FAM98A: variants seen among roughly 807,000 people sequenced by gnomAD.
FAM98A encodes tRNA splicing ligase complex subunit 3A, also known as protein FAM98A.
Under a neutral mutation model 62.9 loss-of-function variants are expected in FAM98A, and 25 were observed. That is an observed-to-expected ratio of 0.40 (90% CI 0.29 to 0.56). The LOEUF is 0.56. Ranked by LOEUF, FAM98A falls within the 20% of genes least tolerant of loss-of-function variation. The pLI is 0.51. For missense variants in FAM98A, 653 were observed against 640.7 expected (o/e 1.02, Z -0.21); for synonymous variants, 252 against 228.6 (o/e 1.10, Z -0.92).
intron 1 of FAM98A, among the ~76,000 whole-genome samples, chr2:33,598,559 G>A (rs1677870663): frequency 6.6e-6 from 1 of 152,214 alleles, no homozygotes; most frequent in South Asian, 2.1e-4. Context: ...GGCTCAACGA[G>A]GCAGAGTATC....
In FAM98A at chr2:33,587,251, G is replaced by A. The variant is rs147447197; in HGVS notation, c.592C>T (p.Pro198Ser). Residue 198 changes from proline to serine, a missense_variant, in exon 5 of 8, where the codon CCA (proline) becomes TCA (serine). Physicochemically the swap from Pro to Ser is moderately conservative, Grantham distance 74. Transcript: ENST00000238823. ...TGATTACTACTCACCCAGTGGGCTG[G>A]TCCCATTGGCTTCTTCAGTAAAGGC... Reference protein sequence around the residue: ...GKPLLKKPMGPAHWEKIEAIN... With the variant: ...GKPLLKKPMGSAHWEKIEAIN... 525 of 1,605,194 alleles carry A rather than the reference G, an allele frequency of 3.3e-4. 2 individuals carry two copies. In the African/African-American group the frequency reaches 6.4e-3, roughly 19 times the overall value.
chr2:33,592,286 T>C lies in FAM98A; in HGVS notation c.203-72A>G, dbSNP rs1677688901. 4 of 1,213,124 alleles carry C rather than the reference T, an allele frequency of 3.3e-6. No individual in the cohort carries two copies. In the South Asian group the frequency reaches 4.7e-5, roughly 14 times the overall value. The allele number at this position is 1,213,124 out of a possible 1,614,324, so 75.1% of individuals were successfully genotyped here. A position where few individuals can be genotyped will look rare whatever the true frequency, so the allele number is the denominator to read the frequency against. ...CCATTAGCATAACAATTATTATATATAATTGAAATTGTTAATAGGATTTTC... is the reference window on the plus strand; with the variant it reads ...CCATTAGCATAACAATTATTATATACAATTGAAATTGTTAATAGGATTTTC... On this transcript the variant is annotated intron_variant, in intron 2 of 7. Transcript: ENST00000238823.
chr2:33,592,516 C>A (rs1353593694), intron 2 of FAM98A, among the ~76,000 whole-genome samples: 1 of 152,112 alleles, frequency 6.6e-6, no homozygotes, highest in African/African-American at 2.4e-5. Flanking sequence ...CAGGTGTATG[C>A]TACCATGCCT....
At position 33,594,155 on chromosome 2, in the gene FAM98A, A is replaced by G. The variant is rs545335858; in HGVS notation, c.202+1334T>C. On this transcript the variant is annotated intron_variant, in intron 2 of 7. Transcript: ENST00000238823. ...AGGTTTAATGAGTTAACACATATAA[A>G]GTGTTTAGAACATAGTGAGTACACA... Among the ~76,000 whole-genome samples the G allele has an allele frequency of 3.9e-5, 6 of 152,330 alleles. No individual in the cohort carries two copies. In the South Asian group the frequency reaches 1.2e-3, roughly 32 times the overall value.
intron 3 of FAM98A, among the ~76,000 whole-genome samples, chr2:33,590,650 T>C (rs762380338): frequency 1.4e-4 from 22 of 152,220 alleles, no homozygotes; most frequent in Admixed American, 1.0e-3. Flanking sequence ...AGTCATTTAA[T>C]TGAAGAGCAA....
intron 1 of FAM98A, among the ~76,000 whole-genome samples, chr2:33,598,521 G>C (rs527430736): frequency 6.6e-6 from 1 of 152,198 alleles, no homozygotes; most frequent in Non-Finnish European, 1.5e-5. Flanking sequence ...CAGGTTCTTC[G>C]TGGGTGAAGA....
intron 2 of FAM98A, among the ~76,000 whole-genome samples, chr2:33,594,535 TAAAAA>T (rs1160445620): frequency 0.027 from 935 of 34,252 alleles, 149 homozygotes; most frequent in African/African-American, 0.13. Context: ...AACATAAAGT[TAAAAA>T]AAAAAAAAAA....
intron 2 of FAM98A, among the ~76,000 whole-genome samples, chr2:33,594,604 C>T (rs534648101): frequency 1.6e-5 from 2 of 121,560 alleles, no homozygotes; most frequent in African/African-American, 6.8e-5. Flanking sequence ...CACACACATA[C>T]ATACACACAT....
intron 1 of FAM98A, among the ~76,000 whole-genome samples, chr2:33,597,385 C>A (rs1677836142): frequency 6.6e-6 from 1 of 152,090 alleles, no homozygotes; most frequent in Non-Finnish European, 1.5e-5. Flanking sequence ...CTCAGTTAAT[C>A]CTTTAAAAGT....
At chr2:33,592,331 C>T in intron 2 of FAM98A, 117 bp from the exon 3 acceptor site, 1 of 855,566 alleles carries the variant, frequency 1.2e-6, no homozygotes, top group Non-Finnish European at 1.8e-6. Flanking sequence ...GTTTTTTCCC[C>T]TTCTAATTTA....
intron 6 of FAM98A, among the ~76,000 whole-genome samples, chr2:33,586,041 T>C (rs1677540460): frequency 6.6e-6 from 1 of 152,228 alleles, no homozygotes; most frequent in Non-Finnish European, 1.5e-5. Flanking sequence ...AATATAAGAA[T>C]ATAAAGCTAT....
chr2:33,586,553 A>C lies in FAM98A; in HGVS notation c.720+9T>G. 1 of 1,523,254 alleles carries C rather than the reference A, an allele frequency of 6.6e-7. No individual in the cohort carries two copies. 94.4% of individuals were successfully genotyped at this position (1,523,254 alleles called of 1,614,324 possible). ...AATAGTCTGCTCTTTTAAATTATTT[A>C]ATGTGTACCTTAGCTCTGTCAGACC... On this transcript the variant is annotated intron_variant, in intron 6 of 7. Coordinates refer to ENST00000238823, the MANE Select transcript of FAM98A (RefSeq NM_015475.5).
At chr2:33,586,539 C>T (rs377343388) in intron 6 of FAM98A, 23 bp downstream of exon 6, 65 of 1,459,638 alleles carry the variant, frequency 4.5e-5, no homozygotes, top group Non-Finnish European at 6.2e-5. Context: ...ATAGTCTGCT[C>T]TTTTAAATTA....
In FAM98A at chr2:33,585,584, A is replaced by G; in HGVS notation, c.834T>C (p.Ile278=). The G allele has an allele frequency of 1.9e-6, 3 of 1,614,222 alleles. No individual in the cohort carries two copies. Among genetic ancestry groups the G allele is most frequent in the Non-Finnish European group, 2.5e-6 (3 of 1,180,046 alleles). The change falls in exon 7 of 8, where the codon ATT becomes ATC. Residue 278 remains isoleucine, a synonymous_variant. Transcript: ENST00000238823. ...TTATAGAGCCGCTGCTTGTCCTTAA[A>G]ATCTTTGACAAGTCCTGCCTTGCAG... ...LLAARQDLSK[I]LRTSSGSIRE...
In FAM98A at chr2:33,592,226, T is replaced by G; in HGVS notation, c.203-12A>C. The stretch of plus-strand genomic sequence containing the variant: ...AGCTTCACTCGGACCTTTTAAGAAT[T>G]AAAATAATCTTATTTAATGATAGTG... On this transcript the variant is annotated splice_polypyrimidine_tract_variant and intron_variant, in intron 2 of 7. Coordinates refer to ENST00000238823, the MANE Select transcript of FAM98A (RefSeq NM_015475.5). The G allele has an allele frequency of 6.3e-7, 1 of 1,588,246 alleles. No homozygotes were observed.
rs752821203 is a variant in FAM98A at position 33,595,511 on chromosome 2, C to T, written c.180G>A (p.Glu60=). Reference sequence around the variant, plus strand: ...TACTGTTAGTTGCTTGCACGTTTTCCTCTAGTTTACAGAGCACTCTTAATT... The same window carrying T: ...TACTGTTAGTTGCTTGCACGTTTTCTTCTAGTTTACAGAGCACTCTTAATT... ...VSELRVLCKL[E]ENVQATNSPS... The change falls in exon 2 of 8, where the codon GAG becomes GAA. Residue 60 remains glutamate, a synonymous_variant. Coordinates refer to ENST00000238823, the MANE Select transcript of FAM98A (RefSeq NM_015475.5). 18 of 1,604,814 alleles carry T rather than the reference C, an allele frequency of 1.1e-5. No individual in the cohort carries two copies. The South Asian group carries it at 2.0e-4, about 18-fold the overall frequency.
rs770110728 is a variant in FAM98A, at chr2:33,585,100, A to G, written c.1233T>C (p.Gly411=). Residue 411 remains glycine, a synonymous_variant, in exon 8 of 8, where the codon GGT becomes GGC. Coordinates refer to ENST00000238823, the MANE Select transcript of FAM98A (RefSeq NM_015475.5). The part of the protein sequence containing the change: ...DSGFQPGGYH[G]GHSSGGYQGG... The stretch of plus-strand genomic sequence containing the variant: ...CTTGATAGCCACCACTGCTGTGGCC[A>G]CCATGATAGCCACCTGGCTGGAAAC... The G allele has an allele frequency of 6.2e-7, 1 of 1,614,168 alleles. No individual in the cohort carries two copies. Among genetic ancestry groups the G allele is most frequent in the Admixed American group, 1.7e-5 (1 of 60,018 alleles).
chr2:33,592,026 C>G (rs1677681563), intron 3 of FAM98A, 54 bp downstream of exon 3: 1 of 1,451,094 alleles, frequency 6.9e-7, no homozygotes, highest in East Asian at 2.3e-5. Context: ...GTTTATTAGT[C>G]ATGGAAAACA....
Position 33,585,179 on chromosome 2 carries a change from T to C in FAM98A, c.1154A>G (p.Asp385Gly). 6.2e-7 allele frequency: 1 copy of C among 1,614,066 alleles called. No individual in the cohort carries two copies. Among genetic ancestry groups the C allele is most frequent in the South Asian group, 1.1e-5 (1 of 91,076 alleles). The change falls in exon 8 of 8, where the codon GAT becomes GGT. Residue 385 changes from aspartate (D) to glycine (G), a missense_variant. Asp to Gly is a moderately conservative substitution (Grantham distance 94). Coordinates refer to ENST00000238823, the MANE Select transcript of FAM98A (RefSeq NM_015475.5). ...GCCACCTCCTCCACCACTCCCTCCA[T>C]CTGTCCAGCCTCCTTGATGCTTATT... ...RGNKHQGGWT[D>G]GGSGGGGGYQ...
Sources: allele counts gnomAD v4.1 joint callset (sites outside exome capture counted in the v4.1 genomes callset), GRCh38; gene constraint gnomAD v4.1.1; transcripts MANE v1.5; gene names NCBI Gene and HGNC (gene_info 2026-07-23, HGNC 2026-07-21).